CRADD: variants seen among roughly 807,000 people sequenced by gnomAD.
CRADD encodes the protein death domain-containing protein CRADD.
CRADD carries 9 observed loss-of-function variants against 15.5 expected under a neutral mutation model. The observed-to-expected ratio is 0.58, with a 90% CI of 0.35 to 1.01. The LOEUF is 1.01. CRADD is among the 50% of genes least tolerant of loss of function. The pLI, the probability that CRADD is intolerant of heterozygous loss-of-function variation, is 0.02. For missense variants in CRADD, 227 were observed against 250.3 expected (o/e 0.91, Z 0.63); for synonymous variants, 118 against 107.6 (o/e 1.10, Z -0.60).
rs924417643 is a variant in CRADD, at chr12:93,738,158, T to C, written c.298+59086T>C. ...ATGTTCTGCTGTTTCTTAGCTGTTT[T>C]GTCAGTTGGAACAAAACAACAGCGC... On this transcript the variant is annotated intron_variant, in intron 2 of 2. Transcript: ENST00000332896. The C allele has an allele frequency of 6.7e-6, 4 of 599,290 alleles. No homozygotes were observed. In the African/African-American group the frequency reaches 7.4e-5, roughly 11 times the overall value. 37.1% of individuals were successfully genotyped at this position (599,290 alleles called of 1,614,324 possible).
At chr12:93,801,878 A>G (rs905701390) in intron 2 of CRADD, among the ~76,000 whole-genome samples, 1 of 152,124 alleles carries the variant, frequency 6.6e-6, no homozygotes, top group African/African-American at 2.4e-5. Context: ...CAAGTCCCCA[A>G]AGTCCATTAC....
At chr12:93,859,117 G>A (rs1183877457) in intron 2 of CRADD, among the ~76,000 whole-genome samples, 1 of 152,128 alleles carries the variant, frequency 6.6e-6, no homozygotes, top group South Asian at 2.1e-4. Flanking sequence ...TGCACAGTGG[G>A]GCATATGCTT....
At chr12:93,686,413 T>TG (rs1201752553) in intron 2 of CRADD, among the ~76,000 whole-genome samples, 1 of 151,880 alleles carries the variant, frequency 6.6e-6, no homozygotes, top group Non-Finnish European at 1.5e-5. Flanking sequence ...GACAGGCATT[T>TG]GGGGGAGGAG....
chr12:93,713,363 G>A (rs1482193477), intron 2 of CRADD, among the ~76,000 whole-genome samples: 1 of 152,152 alleles, frequency 6.6e-6, no homozygotes, highest in Non-Finnish European at 1.5e-5. Context: ...GCGTGAAAAT[G>A]TGACTCCTGT....
chr12:93,823,474 T>C (rs577650715), intron 2 of CRADD, among the ~76,000 whole-genome samples: 7 of 152,302 alleles, frequency 4.6e-5, no homozygotes, highest in African/African-American at 1.7e-4. Context: ...AAACAATTTT[T>C]TCAAATTACT....
chr12:93,814,915 C>A (rs1478411994), intron 2 of CRADD, among the ~76,000 whole-genome samples: 2 of 152,138 alleles, frequency 1.3e-5, no homozygotes, highest in Admixed American at 6.5e-5. Context: ...TATGATTTTG[C>A]CCCACATTTT....
intron 2 of CRADD, among the ~76,000 whole-genome samples, chr12:93,821,713 G>T (rs1356723593): frequency 3.9e-5 from 6 of 152,148 alleles, no homozygotes; most frequent in Admixed American, 1.3e-4. Context: ...CAATGACAGG[G>T]AAAAGAAAAT....
chr12:93,851,528 C>T (rs1958221414), downstream of CRADD, among the ~76,000 whole-genome samples: 1 of 152,236 alleles, frequency 6.6e-6, no homozygotes, highest in Admixed American at 6.5e-5. Context: ...GCCAACAGCA[C>T]ATCCAGATGC....
At chr12:93,827,596 T>C (rs1957838375) in intron 2 of CRADD, among the ~76,000 whole-genome samples, 1 of 152,222 alleles carries the variant, frequency 6.6e-6, no homozygotes, top group South Asian at 2.1e-4. Context: ...CTAGACTATA[T>C]GGTAGATGTA....
At chr12:93,721,206 C>T (rs1040723957) in intron 2 of CRADD, among the ~76,000 whole-genome samples, 1 of 152,146 alleles carries the variant, frequency 6.6e-6, no homozygotes, top group Non-Finnish European at 1.5e-5. Flanking sequence ...CTGGGATTAA[C>T]AGATGTGAGC....
At chr12:93,729,925 G>T (rs1426533249) in intron 2 of CRADD, among the ~76,000 whole-genome samples, 1 of 152,104 alleles carries the variant, frequency 6.6e-6, no homozygotes. Context: ...TTTATAAAGA[G>T]CTCTTACAGG....
intron 2 of CRADD, among the ~76,000 whole-genome samples, chr12:93,873,935 G>C (rs1369733481): frequency 6.6e-6 from 1 of 151,700 alleles, no homozygotes; most frequent in African/African-American, 2.4e-5. Context: ...TTTGGTTTTG[G>C]TATCAAGGTA....
intron 2 of CRADD, among the ~76,000 whole-genome samples, chr12:93,843,682 A>C (rs1958077291): frequency 6.6e-6 from 1 of 150,904 alleles, no homozygotes; most frequent in Non-Finnish European, 1.5e-5. Context: ...GCCCAGCCTA[A>C]TTTAATGCTT....
At chr12:93,822,075 G>A (rs972792880) in intron 2 of CRADD, among the ~76,000 whole-genome samples, 6 of 150,560 alleles carry the variant, frequency 4.0e-5, no homozygotes, top group East Asian at 3.9e-4. Flanking sequence ...CCGAGATTGC[G>A]CCACTGCACT....
At chr12:93,765,767 C>A (rs192339427) in intron 2 of CRADD, among the ~76,000 whole-genome samples, 6 of 151,540 alleles carry the variant, frequency 4.0e-5, no homozygotes, top group Non-Finnish European at 7.4e-5. Context: ...TGTTAGCATT[C>A]TTTGGAAAGG....
intron 2 of CRADD, among the ~76,000 whole-genome samples, chr12:93,731,119 C>T (rs1037389513): frequency 6.6e-6 from 1 of 152,168 alleles, no homozygotes; most frequent in Non-Finnish European, 1.5e-5. Flanking sequence ...AAGTCATATA[C>T]ACATATGCCA....
chr12:93,801,769 T>G (rs982969591), intron 2 of CRADD, among the ~76,000 whole-genome samples: 1 of 152,106 alleles, frequency 6.6e-6, no homozygotes, highest in African/African-American at 2.4e-5. Flanking sequence ...AGTTCTTTAG[T>G]GGTGATTTCT....
At chr12:93,864,080 A>G (rs1485050761) in intron 2 of CRADD, among the ~76,000 whole-genome samples, 2 of 152,172 alleles carry the variant, frequency 1.3e-5, no homozygotes, top group East Asian at 1.9e-4. Flanking sequence ...TTACTGTTAT[A>G]TAGAGACAAG....
Position 93,850,044 on chromosome 12 carries a change from C to G in CRADD, c.373C>G (p.Gln125Glu). The change falls in exon 3 of 3, where the codon CAG becomes GAG. Residue 125 changes from glutamine (Q) to glutamate (E), a missense_variant. By Grantham distance (29) the Gln-to-Glu change is conservative. Transcript: ENST00000332896. This position sits in a 1 kb window ranked among gnomAD's most constrained non-coding sequence, Gnocchi z 4.0. ...PSDRQINQLA[Q>E]RLGPEWEPMV... ...AGACCGGCAGATTAACCAGCTGGCC[C>G]AGAGGCTGGGCCCTGAGTGGGAGCC... is the stretch of plus-strand genomic sequence containing the variant. 1 of 1,611,834 alleles carries G rather than the reference C, an allele frequency of 6.2e-7. No homozygotes were observed. Among genetic ancestry groups the G allele is most frequent in the Admixed American group, 1.7e-5 (1 of 60,022 alleles).
Sources: gnomAD v4.1 joint callset for allele counts (sites outside exome capture counted in the v4.1 genomes callset) on GRCh38, gnomAD v4.1.1 for gene constraint, Gnocchi (gnomAD v3.1) non-coding constraint, MANE v1.5 for transcripts, NCBI Gene and HGNC (gene_info 2026-07-23, HGNC 2026-07-21) for gene names.